The following GABBR2 variants were observed in gnomAD, a reference collection of about 807,000 sequenced individuals.
GABBR2 encodes gamma-aminobutyric acid type B receptor subunit 2, also known as G-protein coupled receptor 51.
GABBR2 carries 23 observed loss-of-function variants against 105.6 expected under a neutral mutation model. The observed-to-expected ratio is 0.22, with a 90% CI of 0.16 to 0.31. The LOEUF (loss-of-function observed/expected upper bound fraction) is 0.31, where lower values mean the gene tolerates loss of function less well. Ranked by LOEUF, GABBR2 falls within the 10% of genes least tolerant of loss-of-function variation. GABBR2 has a pLI of 1.00. For synonymous variants in GABBR2, 478 were observed against 499.7 expected, an observed-to-expected ratio of 0.96 and a Z score of 0.58; for missense variants, 734 against 1,245.5, an observed-to-expected ratio of 0.59 and a Z score of 6.18.
chr9:98,407,659 C>T (rs1436065532), intron 7 of GABBR2, among the ~76,000 whole-genome samples: 2 of 152,066 alleles, frequency 1.3e-5, no homozygotes, highest in Non-Finnish European at 2.9e-5. Flanking sequence ...GGATGGGGAT[C>T]TAATTTACCA....
chr9:98,332,330 T>C (rs1423246335), intron 13 of GABBR2, among the ~76,000 whole-genome samples: 1 of 152,148 alleles, frequency 6.6e-6, no homozygotes, highest in East Asian at 1.9e-4. Context: ...GTCAGTTTTC[T>C]TAGGGAGTCA....
intron 1 of GABBR2, among the ~76,000 whole-genome samples, chr9:98,684,915 G>A (rs1830601785): frequency 6.6e-6 from 1 of 152,172 alleles, no homozygotes; most frequent in African/African-American, 2.4e-5. Context: ...CCTGATCAAG[G>A]TAGAATGAGG....
chr9:98,515,042 A>G lies in GABBR2; in HGVS notation c.631-18528T>C, dbSNP rs1827730609. ...GAAGTAGATTTCAGCTCCCTCAGAG[A>G]CAGAACTTTCTAACAAGAGAATGAG... On this transcript the variant is annotated intron_variant, in intron 3 of 18. Coordinates refer to ENST00000259455, the MANE Select transcript of GABBR2 (RefSeq NM_005458.8). Among the ~76,000 whole-genome samples the G allele has an allele frequency of 3.3e-5, 5 of 152,168 alleles. No homozygotes were observed. In the South Asian group the frequency reaches 1.0e-3, roughly 32 times the overall value.
At chr9:98,568,011 A>G (rs1261517581) in intron 2 of GABBR2, among the ~76,000 whole-genome samples, 4 of 152,212 alleles carry the variant, frequency 2.6e-5, no homozygotes, top group African/African-American at 7.2e-5. Flanking sequence ...TGAATGAATG[A>G]TTGGATGGAT....
chr9:98,354,867 C>A (rs1488378498), intron 13 of GABBR2, among the ~76,000 whole-genome samples: 1 of 152,174 alleles, frequency 6.6e-6, no homozygotes. Flanking sequence ...CCTTTGCATT[C>A]AAAACCTGAC....
At chr9:98,605,762 C>A (rs1388646665) in intron 1 of GABBR2, among the ~76,000 whole-genome samples, 1 of 152,192 alleles carries the variant, frequency 6.6e-6, no homozygotes, top group African/African-American at 2.4e-5. Flanking sequence ...TGGAACTGTT[C>A]TCCTCGAGTT....
At chr9:98,634,530 C>A (rs771190171) in intron 1 of GABBR2, among the ~76,000 whole-genome samples, 7 of 152,094 alleles carry the variant, frequency 4.6e-5, no homozygotes, top group Non-Finnish European at 1.0e-4. Context: ...CAGAGATGGG[C>A]GTGATGGTGC....
At chr9:98,423,887 G>T (rs1314199911) in intron 7 of GABBR2, among the ~76,000 whole-genome samples, 1 of 152,106 alleles carries the variant, frequency 6.6e-6, no homozygotes, top group South Asian at 2.1e-4. Context: ...GCTTGCTTTT[G>T]TCAGGTTTGT....
intron 6 of GABBR2, among the ~76,000 whole-genome samples, chr9:98,471,398 C>T (rs891509128): frequency 1.2e-4 from 18 of 152,216 alleles, no homozygotes; most frequent in South Asian, 2.1e-4. Context: ...TCACCAATCC[C>T]GAATAAGAAA....
At chr9:98,303,532 C>T (rs1184939763) in intron 15 of GABBR2, 109 bp from the exon 16 acceptor site, 3 of 944,740 alleles carry the variant, frequency 3.2e-6, no homozygotes, top group Admixed American at 4.5e-5. Context: ...CGATAAGAGG[C>T]CCCAGGAAAG....
At chr9:98,502,533 T>G (rs1827423375) in intron 3 of GABBR2, among the ~76,000 whole-genome samples, 1 of 152,184 alleles carries the variant, frequency 6.6e-6, no homozygotes, top group African/African-American at 2.4e-5. Flanking sequence ...TGTCTCTGCT[T>G]TAGGGCCCCA....
chr9:98,566,031 C>T (rs1055914282), intron 2 of GABBR2, among the ~76,000 whole-genome samples: 4 of 152,164 alleles, frequency 2.6e-5, no homozygotes, highest in African/African-American at 9.7e-5. Flanking sequence ...GGCAGTGGTT[C>T]CCACCCATGG....
intron 13 of GABBR2, among the ~76,000 whole-genome samples, chr9:98,343,863 A>C (rs1179946197): frequency 6.6e-6 from 1 of 151,992 alleles, no homozygotes; most frequent in East Asian, 1.9e-4. Flanking sequence ...GTCAAAATAA[A>C]AAAAAGAAAA....
intron 4 of GABBR2, among the ~76,000 whole-genome samples, chr9:98,495,604 T>C (rs1827261375): frequency 6.6e-6 from 1 of 152,176 alleles, no homozygotes; most frequent in South Asian, 2.1e-4. Context: ...CTCTGTGGAA[T>C]TCCTGCTGAT....
At chr9:98,474,265 G>C (rs1377556553) in intron 5 of GABBR2, among the ~76,000 whole-genome samples, 1 of 152,130 alleles carries the variant, frequency 6.6e-6, no homozygotes, top group African/African-American at 2.4e-5. Context: ...AAGCTACACT[G>C]CTTGCCTTCC....
chr9:98,626,769 C>T (rs1191592312), intron 1 of GABBR2, among the ~76,000 whole-genome samples: 2 of 152,154 alleles, frequency 1.3e-5, no homozygotes, highest in Non-Finnish European at 2.9e-5. Flanking sequence ...GCATCCTCTG[C>T]TCTGCGATGC....
At chr9:98,558,349 T>C (rs572486311) in intron 2 of GABBR2, among the ~76,000 whole-genome samples, 1 of 152,320 alleles carries the variant, frequency 6.6e-6, no homozygotes, top group Non-Finnish European at 1.5e-5. Flanking sequence ...AGTGGGCTGA[T>C]GGGGGCTACT....
chr9:98,697,789 G>C (rs545111874), intron 1 of GABBR2, among the ~76,000 whole-genome samples: 93 of 152,292 alleles, frequency 6.1e-4, no homozygotes, highest in African/African-American at 2.2e-3. Flanking sequence ...ATGCTTTGTG[G>C]AGTGACAACC....
intron 3 of GABBR2, among the ~76,000 whole-genome samples, chr9:98,509,104 G>A (rs966262753): frequency 1.3e-5 from 2 of 152,158 alleles, no homozygotes; most frequent in East Asian, 1.9e-4. Flanking sequence ...CAGCATTTGC[G>A]GTTCTCCAAT....
Sources: allele counts gnomAD v4.1 joint callset (sites outside exome capture counted in the v4.1 genomes callset), GRCh38; gene constraint gnomAD v4.1.1; transcripts MANE v1.5; gene names NCBI Gene and HGNC (gene_info 2026-07-23, HGNC 2026-07-21).